The following FBLN2 variants were observed in gnomAD, a reference collection of about 807,000 sequenced individuals.
The protein encoded by FBLN2 is fibulin-2.
Under a neutral mutation model 123.7 loss-of-function variants are expected in FBLN2, and 81 were observed. That is an observed-to-expected ratio of 0.65 (90% CI 0.55 to 0.79). The LOEUF (loss-of-function observed/expected upper bound fraction) is 0.79. Ranked by LOEUF, FBLN2 falls within the 30% of genes least tolerant of loss-of-function variation. The pLI, the probability that FBLN2 is intolerant of heterozygous loss-of-function variation, is 0.00. For missense variants in FBLN2, 1,603 were observed against 1,681.3 expected (o/e 0.95, Z 0.81); for synonymous variants, 699 against 701.4 (o/e 1.00, Z 0.05).
In FBLN2 at chr3:13,629,915, C is replaced by G. The variant is rs1255974281; in HGVS notation, c.2938C>G (p.Leu980Val). The change falls in exon 14 of 18, where the codon CTG becomes GTG. Residue 980 changes from leucine to valine, a missense_variant. Physicochemically the swap from Leu to Val is conservative, Grantham distance 32. Coordinates refer to ENST00000404922, the MANE Select transcript of FBLN2 (RefSeq NM_001004019.2). ...CCGCTGTTCCTGCGCCTCCGGGTTC[C>G]TGCTAGCAGCGGACGGCAAGCGCTG... ...SYRCSCASGFLLAADGKRCED... is the reference protein window; with the variant it reads ...SYRCSCASGFVLAADGKRCED... The G allele has an allele frequency of 6.2e-7, 1 of 1,609,758 alleles. No homozygotes were observed. Among genetic ancestry groups the G allele is most frequent in the Admixed American group, 1.7e-5 (1 of 59,594 alleles).
chr3:13,627,492 C>T (rs1400220669), intron 10 of FBLN2, among the ~76,000 whole-genome samples: 1 of 152,196 alleles, frequency 6.6e-6, no homozygotes, highest in Non-Finnish European at 1.5e-5. Context: ...CAGTGCTCCC[C>T]AGCAGTAGAG....
At position 13,638,060 on chromosome 3, in the gene FBLN2, C is replaced by A; in HGVS notation, c.*141C>A. 1 of 790,348 alleles carries A rather than the reference C, an allele frequency of 1.3e-6. No homozygotes were observed. Among genetic ancestry groups the A allele is most frequent in the Admixed American group, 2.8e-5 (1 of 35,412 alleles). The allele number at this position is 790,348 out of a possible 1,614,324, so 49.0% of individuals were successfully genotyped here. ...TGACTTGACTCCTGTGGCTTCTGGA[C>A]CCCTCCTCTGCCCCGCAGGAGGAAG... On this transcript the variant is annotated 3_prime_UTR_variant, in exon 18 of 18. Transcript: ENST00000404922.
chr3:13,581,100 C>T (rs1704310345), intron 2 of FBLN2, among the ~76,000 whole-genome samples: 1 of 152,090 alleles, frequency 6.6e-6, no homozygotes, highest in African/African-American at 2.4e-5. Flanking sequence ...AGATGGAGAG[C>T]ACTCCTTCAA....
chr3:13,626,305 TCAGC>T (rs1219447773), intron 9 of FBLN2, 136 bp from the exon 10 acceptor site: 12 of 803,222 alleles, frequency 1.5e-5, no homozygotes, highest in Non-Finnish European at 1.9e-5. Context: ...TGCCGAGACA[TCAGC>T]CACATCTCCG....
chr3:13,551,497 G>C (rs994266583), intron 1 of FBLN2, among the ~76,000 whole-genome samples: 18 of 152,208 alleles, frequency 1.2e-4, no homozygotes, highest in African/African-American at 4.1e-4. Context: ...GGGAGGTAGA[G>C]AAAGGGCCTC....
chr3:13,638,092 G>A lies in FBLN2; in HGVS notation c.*173G>A, dbSNP rs534840035. ...TCTGCCCCGCAGGAGGAAGTTCCACGGCAGGTGGTGCGTTCCCACGCAGGC... is the reference window on the plus strand; with the variant it reads ...TCTGCCCCGCAGGAGGAAGTTCCACAGCAGGTGGTGCGTTCCCACGCAGGC... On this transcript the variant is annotated 3_prime_UTR_variant, in exon 18 of 18. Transcript: ENST00000404922. 1.1e-3 allele frequency: 742 copies of A among 696,426 alleles called. No homozygotes were observed. Among genetic ancestry groups the A allele is most frequent in the Non-Finnish European group, 1.6e-3 (664 of 409,706 alleles). The allele number at this position is 696,426 out of a possible 1,614,324, so 43.1% of individuals were successfully genotyped here.
At position 13,614,306 on chromosome 3, in the gene FBLN2, T is replaced by C. The variant is rs187029575; in HGVS notation, c.1729+142T>C. On this transcript the variant is annotated intron_variant, in intron 5 of 17. Coordinates refer to ENST00000404922, the MANE Select transcript of FBLN2 (RefSeq NM_001004019.2). Reference sequence around the variant, plus strand: ...AAACAGAGTTCTGAGGATGGTGATTTCATTGTTTTCTGTGGACTACCCACT... The same window carrying C: ...AAACAGAGTTCTGAGGATGGTGATTCCATTGTTTTCTGTGGACTACCCACT... 1,678 of 855,658 alleles carry C rather than the reference T, an allele frequency of 2.0e-3. 11 individuals carry two copies. Among genetic ancestry groups the C allele is most frequent in the Middle Eastern group, 0.018 (49 of 2,794 alleles). 53.0% of individuals were successfully genotyped at this position (855,658 alleles called of 1,614,324 possible).
intron 1 of FBLN2, among the ~76,000 whole-genome samples, chr3:13,566,227 C>G (rs1178421381): frequency 2.6e-5 from 4 of 152,274 alleles, no homozygotes; most frequent in African/African-American, 7.2e-5. Flanking sequence ...TCTGCAGAAG[C>G]CGGGGTTGTG....
intron 5 of FBLN2, 97 bp downstream of exon 5, chr3:13,614,261 T>C: frequency 8.2e-7 from 1 of 1,223,500 alleles, no homozygotes; most frequent in Admixed American, 2.4e-5. Context: ...ACCTGTGGCT[T>C]GAGACACAAG....
chr3:13,558,221 C>G (rs1703512383), intron 1 of FBLN2, among the ~76,000 whole-genome samples: 1 of 152,150 alleles, frequency 6.6e-6, no homozygotes, highest in South Asian at 2.1e-4. Flanking sequence ...CTGCCTGTCT[C>G]CATCGCTGTC....
At chr3:13,576,973 T>C (rs1704166669) in intron 2 of FBLN2, among the ~76,000 whole-genome samples, 1 of 152,098 alleles carries the variant, frequency 6.6e-6, no homozygotes, top group African/African-American at 2.4e-5. Flanking sequence ...ATCCCAGCAC[T>C]TTGGGAGGCC....
At chr3:13,574,468 C>T (rs892094214) in intron 2 of FBLN2, among the ~76,000 whole-genome samples, 4 of 152,202 alleles carry the variant, frequency 2.6e-5, no homozygotes, top group South Asian at 2.1e-4. Context: ...CTTCCCAGCC[C>T]AGGGAGCCGG....
chr3:13,627,716 A>T (rs1020555640), intron 10 of FBLN2, 116 bp from the exon 11 acceptor site: 4 of 1,313,014 alleles, frequency 3.0e-6, no homozygotes, highest in Non-Finnish European at 4.1e-6. Context: ...CTTCCCAGGG[A>T]GATCTTTGTG....
chr3:13,620,259 G>C (rs1373264410), intron 8 of FBLN2, among the ~76,000 whole-genome samples: 6 of 152,184 alleles, frequency 3.9e-5, no homozygotes, highest in Admixed American at 1.3e-4. Flanking sequence ...TACGGATGCT[G>C]CTGGTCCGCG....
At chr3:13,600,046 C>CGAGAGAGAGAGAGAGCGAGAGA (rs1704977515) in intron 2 of FBLN2, among the ~76,000 whole-genome samples, 3 of 128,152 alleles carry the variant, frequency 2.3e-5, no homozygotes, top group Non-Finnish European at 4.9e-5. Flanking sequence ...AGAGAGAGAG[C>CGAGAGAGAGAGAGAGCGAGAGA]GAGAGAGAGA....
rs1303848684 is a variant in FBLN2 at position 13,626,458 on chromosome 3, TGTGACGGACCTGCACACGTGCA to T, written c.2312_2333del (p.Val771AlafsTer7). The stretch of plus-strand genomic sequence containing the variant: ...CTCTCCCTGCAGACATCAACGAGTG[TGTGACGGACCTGCACACGTGCA>T]GCCGGGGCGAGCACTGTGTGAACAC... On this transcript the variant is annotated frameshift_variant, in exon 10 of 18. Coordinates refer to ENST00000404922, the MANE Select transcript of FBLN2 (RefSeq NM_001004019.2). LOFTEE classifies it high-confidence loss of function. The T allele has an allele frequency of 6.3e-7, 1 of 1,584,482 alleles. No homozygotes were observed.
At chr3:13,554,477 C>T (rs370299426) in intron 1 of FBLN2, among the ~76,000 whole-genome samples, 19 of 152,350 alleles carry the variant, frequency 1.2e-4, no homozygotes, top group African/African-American at 1.7e-4. Flanking sequence ...GAAAACACAT[C>T]GTCAAAAAAC....
rs770684898 is a variant in FBLN2, at chr3:13,618,136, C to T, written c.1790C>T (p.Pro597Leu). 5.6e-5 allele frequency: 90 copies of T among 1,613,440 alleles called. 1 individual carries two copies. The Middle Eastern group carries it at 2.3e-3, about 41-fold the overall frequency. ...ALSLGTEAELPNSLPGDDQDE... is the reference protein window; with the variant it reads ...ALSLGTEAELLNSLPGDDQDE... ...TCACTGGGCACAGAGGCCGAGCTGCCGAACAGCCTGCCGGGCGATGACCAG... is the reference window on the plus strand; with the variant it reads ...TCACTGGGCACAGAGGCCGAGCTGCTGAACAGCCTGCCGGGCGATGACCAG... Residue 597 changes from proline (P) to leucine (L), a missense_variant, in exon 6 of 18, where the codon CCG becomes CTG. Pro to Leu is a moderately conservative substitution (Grantham distance 98). Transcript: ENST00000404922.
At chr3:13,617,938 C>A (rs1199349483) in intron 5 of FBLN2, 138 bp from the exon 6 acceptor site, 6 of 662,252 alleles carry the variant, frequency 9.1e-6, no homozygotes, top group Admixed American at 2.3e-5. Context: ...ATCCATCCAT[C>A]CTGCTTCATC....
Sources: gnomAD v4.1 joint callset for allele counts (sites outside exome capture counted in the v4.1 genomes callset) on GRCh38, gnomAD v4.1.1 for gene constraint, MANE v1.5 for transcripts, NCBI Gene and HGNC (gene_info 2026-07-23, HGNC 2026-07-21) for gene names.